Variants in XYLT1 observed in about 807,000 individuals in gnomAD.
XYLT1 encodes the protein xylosyltransferase 1, also known as beta-D-xylosyltransferase 1.
Under a neutral mutation model 91.3 loss-of-function variants are expected in XYLT1, and 36 were observed. The ratio of observed to expected loss-of-function variants is 0.39; its 90% CI spans 0.30 to 0.52. The LOEUF is 0.52. XYLT1 is among the 20% of genes least tolerant of loss of function. The pLI is 0.68. For synonymous variants in XYLT1, 588 were observed against 532.0 expected, an observed-to-expected ratio of 1.11 and a Z score of -1.45; for missense variants, 1,242 against 1,284.5, an observed-to-expected ratio of 0.97 and a Z score of 0.51.
intron 3 of XYLT1, among the ~76,000 whole-genome samples, chr16:17,246,633 T>C (rs2033439241): frequency 6.6e-6 from 1 of 152,186 alleles, no homozygotes; most frequent in Non-Finnish European, 1.5e-5. Flanking sequence ...AGAACATCCC[T>C]TCTCCAGGGC....
intron 2 of XYLT1, among the ~76,000 whole-genome samples, chr16:17,276,489 C>A (rs1183159730): frequency 1.3e-5 from 2 of 152,296 alleles, no homozygotes; most frequent in East Asian, 1.9e-4. Flanking sequence ...ATGGAATGTA[C>A]CCCTCTTGGC....
intron 1 of XYLT1, among the ~76,000 whole-genome samples, chr16:17,379,763 T>TCACACACACACACACACACACACACA (rs71137987): frequency 5.6e-5 from 7 of 125,546 alleles, no homozygotes; most frequent in African/African-American, 2.2e-4. Flanking sequence ...TCTCTCTCTC[T>TCACACACACACACACACACACACACA]CACACACACA....
intron 1 of XYLT1, among the ~76,000 whole-genome samples, chr16:17,452,297 GTTTT>G (rs1227109210): frequency 2.9e-5 from 4 of 138,868 alleles, no homozygotes; most frequent in African/African-American, 5.7e-5. Context: ...TTGATTCTCA[GTTTT>G]TTTCTTTTTT....
intron 2 of XYLT1, among the ~76,000 whole-genome samples, chr16:17,286,325 A>G (rs1413309325): frequency 6.6e-6 from 1 of 152,200 alleles, no homozygotes; most frequent in Non-Finnish European, 1.5e-5. Flanking sequence ...TATGGAATAA[A>G]TAATCATGGA....
At position 17,225,722 on chromosome 16, in the gene XYLT1, G is replaced by A. The variant is rs532404976; in HGVS notation, c.914-25068C>T. 4.6e-5 allele frequency among the ~76,000 whole-genome samples: 7 copies of A among 152,210 alleles called. No homozygotes were observed. The South Asian group carries it at 1.2e-3, about 27-fold the overall frequency. The stretch of plus-strand genomic sequence containing the variant: ...TGTTCCAGTGTAAGCAATTAACACC[G>A]GTTCTTTTGGCAGGCTTAAAAAGAT... On this transcript the variant is annotated intron_variant, in intron 3 of 11. Coordinates refer to ENST00000261381, the MANE Select transcript of XYLT1 (RefSeq NM_022166.4).
intron 1 of XYLT1, among the ~76,000 whole-genome samples, chr16:17,458,754 T>C (rs1234508999): frequency 6.6e-6 from 1 of 152,210 alleles, no homozygotes; most frequent in African/African-American, 2.4e-5. Context: ...GTTTTCATTT[T>C]GTTAACCCAC....
At chr16:17,376,046 C>G (rs542778993) in intron 1 of XYLT1, among the ~76,000 whole-genome samples, 1 of 152,398 alleles carries the variant, frequency 6.6e-6, no homozygotes, top group East Asian at 1.9e-4. Context: ...AACCACTTTA[C>G]AGAGAAGGAA....
At chr16:17,140,136 C>T (rs529498947) in intron 7 of XYLT1, among the ~76,000 whole-genome samples, 21 of 152,260 alleles carry the variant, frequency 1.4e-4, no homozygotes, top group African/African-American at 3.1e-4. Context: ...CAGCTCTGAC[C>T]GGCAGGCAGC....
intron 1 of XYLT1, among the ~76,000 whole-genome samples, chr16:17,412,151 G>A (rs2036117634): frequency 6.6e-6 from 1 of 152,026 alleles, no homozygotes; most frequent in Non-Finnish European, 1.5e-5. Flanking sequence ...CTCCTTCTCT[G>A]AGCCCCAAAA....
At chr16:17,249,081 C>T (rs930536256) in intron 3 of XYLT1, among the ~76,000 whole-genome samples, 1 of 152,158 alleles carries the variant, frequency 6.6e-6, no homozygotes, top group Non-Finnish European at 1.5e-5. Context: ...TAACAGGCCA[C>T]AAGCTCCCTG....
At chr16:17,186,401 C>A (rs2032183575) in intron 5 of XYLT1, among the ~76,000 whole-genome samples, 1 of 151,706 alleles carries the variant, frequency 6.6e-6, no homozygotes, top group South Asian at 2.1e-4. Context: ...CCATGCCCAG[C>A]CGATTTCTTT....
intron 2 of XYLT1, among the ~76,000 whole-genome samples, chr16:17,317,227 A>T (rs1009960850): frequency 6.6e-6 from 1 of 152,088 alleles, no homozygotes; most frequent in Non-Finnish European, 1.5e-5. Flanking sequence ...CCTTGACTGT[A>T]ACTTCTCTTT....
chr16:17,390,043 C>T (rs1339320075), intron 1 of XYLT1, among the ~76,000 whole-genome samples: 1 of 152,194 alleles, frequency 6.6e-6, no homozygotes, highest in African/African-American at 2.4e-5. Context: ...ACCCCCTGCC[C>T]ATCTCTTCAG....
Position 17,103,092 on chromosome 16 carries a change from G to A in XYLT1, c.*5603C>T, listed in dbSNP as rs951969442. ...GGGTAAAGAATAGAGTCTGAAGGTA[G>A]GGAAAGGGTGATTCCTTTGAGAACA... On this transcript the variant is annotated 3_prime_UTR_variant, in exon 12 of 12. Coordinates refer to ENST00000261381, the MANE Select transcript of XYLT1 (RefSeq NM_022166.4). The A allele has an allele frequency of 1.3e-5, 2 of 152,650 alleles. No homozygotes were observed. The highest frequency in any genetic ancestry group is 4.8e-5 in the African/African-American group (2 of 41,462). 9.5% of individuals were successfully genotyped at this position (152,650 alleles called of 1,614,324 possible). A position where few individuals can be genotyped will look rare whatever the true frequency, so the allele number is the denominator to read the frequency against.
intron 1 of XYLT1, among the ~76,000 whole-genome samples, chr16:17,437,145 G>A (rs997025755): frequency 6.5e-4 from 99 of 152,096 alleles, no homozygotes; most frequent in African/African-American, 2.3e-3. Flanking sequence ...ATCTGTCTGA[G>A]GCTCTCAGTC....
At chr16:17,353,804 G>A (rs1224938801) in intron 2 of XYLT1, among the ~76,000 whole-genome samples, 1 of 152,188 alleles carries the variant, frequency 6.6e-6, no homozygotes, top group Non-Finnish European at 1.5e-5. Context: ...CTTTCTACTA[G>A]TCAAGGCAAC....
intron 9 of XYLT1, among the ~76,000 whole-genome samples, chr16:17,132,260 A>G (rs2030512259): frequency 6.6e-6 from 1 of 152,160 alleles, no homozygotes; most frequent in African/African-American, 2.4e-5. Flanking sequence ...AAGATACCGC[A>G]CATACTGAAG....
At chr16:17,221,224 G>T (rs575364579) in intron 3 of XYLT1, among the ~76,000 whole-genome samples, 19 of 151,922 alleles carry the variant, frequency 1.3e-4, no homozygotes, top group Non-Finnish European at 2.2e-4. Flanking sequence ...CTGACTGATT[G>T]GCAAAAAACA....
chr16:17,466,130 TC>T (rs2036893860), intron 1 of XYLT1, among the ~76,000 whole-genome samples: 1 of 152,182 alleles, frequency 6.6e-6, no homozygotes, highest in Non-Finnish European at 1.5e-5. Flanking sequence ...TTTTTTATTT[TC>T]CCCAAGGCAT....
Sources: gnomAD v4.1 joint callset for allele counts (sites outside exome capture counted in the v4.1 genomes callset) on GRCh38, gnomAD v4.1.1 for gene constraint, MANE v1.5 for transcripts, NCBI Gene and HGNC (gene_info 2026-07-23, HGNC 2026-07-21) for gene names.